Variants in CSMD1 observed in about 807,000 individuals in gnomAD.
CSMD1 encodes the protein CUB and Sushi multiple domains 1, also known as CUB and sushi domain-containing protein 1.
A neutral mutation model predicts 417.5 loss-of-function variants in CSMD1; 213 were observed. The ratio of observed to expected loss-of-function variants is 0.51; its 90% CI spans 0.46 to 0.57. The LOEUF is 0.57. Ranked by LOEUF, CSMD1 falls within the 20% of genes least tolerant of loss-of-function variation. The probability of loss-of-function intolerance (pLI) is 0.00; values close to 1 mark genes in which losing one functional copy is unlikely to be tolerated. For synonymous variants in CSMD1, 2,862 were observed against 1,736.8 expected (o/e 1.65, Z -16.11); for missense variants, 6,923 against 4,529.7 (o/e 1.53, Z -15.17).
At chr8:4,823,009 C>A in intron 1 of CSMD1, among the ~76,000 whole-genome samples, 1 of 152,144 alleles carries the variant, frequency 6.6e-6, no homozygotes, top group East Asian at 1.9e-4. Flanking sequence ...TTGTATTTCA[C>A]AATTTGCAGT....
At chr8:3,209,827 A>T (rs1181558963) in intron 30 of CSMD1, among the ~76,000 whole-genome samples, 3 of 152,214 alleles carry the variant, frequency 2.0e-5, no homozygotes, top group Admixed American at 6.5e-5. Context: ...TGGTAACAAG[A>T]AGCTTGCTTA....
rs764529886 is a variant in CSMD1, at chr8:4,575,609, C to CATGTG, written c.302+61728_302+61732dup. 3.9e-4 allele frequency among the ~76,000 whole-genome samples: 60 copies of CATGTG among 152,332 alleles called. No individual in the cohort carries two copies. In the East Asian group the frequency reaches 0.01, roughly 25 times the overall value. On this transcript the variant is annotated intron_variant, in intron 2 of 69. Transcript: ENST00000635120. ...TGTGAATTCATTATGATATGGTAGACATGTGGCTCAGTGCATTTGAACTCC... is the reference window on the plus strand; with the variant it reads ...TGTGAATTCATTATGATATGGTAGACATGTGATGTGGCTCAGTGCATTTGAACTCC...
chr8:4,737,677 G>A (rs1810335421), intron 1 of CSMD1, among the ~76,000 whole-genome samples: 1 of 152,178 alleles, frequency 6.6e-6, no homozygotes, highest in Admixed American at 6.5e-5. Flanking sequence ...TTGGATGAAT[G>A]CAAGGAATAA....
At chr8:4,173,363 G>C (rs910437811) in intron 3 of CSMD1, among the ~76,000 whole-genome samples, 1 of 152,116 alleles carries the variant, frequency 6.6e-6, no homozygotes, top group African/African-American at 2.4e-5. Context: ...TGGTGATGCT[G>C]AACAGAAGAT....
intron 2 of CSMD1, among the ~76,000 whole-genome samples, chr8:4,607,698 G>C (rs141609270): frequency 1.3e-5 from 2 of 152,066 alleles, no homozygotes; most frequent in African/African-American, 2.4e-5. Flanking sequence ...AGCAATCTTC[G>C]TGAGTATTCC....
At chr8:3,872,399 A>C (rs1479844893) in intron 5 of CSMD1, among the ~76,000 whole-genome samples, 1 of 152,170 alleles carries the variant, frequency 6.6e-6, no homozygotes, top group Admixed American at 6.5e-5. Context: ...TCAACTGTTC[A>C]TTACTACCTT....
intron 1 of CSMD1, among the ~76,000 whole-genome samples, chr8:4,743,928 C>T (rs1457833003): frequency 1.3e-5 from 2 of 152,192 alleles, no homozygotes; most frequent in African/African-American, 4.8e-5. Context: ...AGTTTATAAA[C>T]CACAGCACTT....
intron 47 of CSMD1, among the ~76,000 whole-genome samples, chr8:3,096,563 T>C (rs140029341): frequency 2.0e-5 from 3 of 152,310 alleles, no homozygotes; most frequent in East Asian, 1.9e-4. Context: ...CCCAGCCATC[T>C]GGAACTGTAA....
chr8:3,856,383 T>C (rs1804312728), intron 5 of CSMD1, among the ~76,000 whole-genome samples: 2 of 152,302 alleles, frequency 1.3e-5, no homozygotes, highest in Admixed American at 6.5e-5. Flanking sequence ...ATTAAACCTC[T>C]TTTCTTTATA....
intron 5 of CSMD1, among the ~76,000 whole-genome samples, chr8:3,950,799 C>T (rs144114295): frequency 3.2e-3 from 483 of 152,180 alleles, no homozygotes; most frequent in African/African-American, 0.01. Flanking sequence ...ACATATTCTT[C>T]GGTCATAATA....
chr8:3,723,819 A>T (rs1802328759), intron 6 of CSMD1, among the ~76,000 whole-genome samples: 1 of 152,230 alleles, frequency 6.6e-6, no homozygotes, highest in Non-Finnish European at 1.5e-5. Context: ...ACTTACTGCT[A>T]CCAAATCACG....
chr8:4,595,387 C>CTTTTTTTTTTTTTTTTTTCT, intron 2 of CSMD1, among the ~76,000 whole-genome samples: 1 of 147,344 alleles, frequency 6.8e-6, no homozygotes, highest in Admixed American at 6.8e-5. Flanking sequence ...CATTCATTTT[C>CTTTTTTTTTTTTTTTTTTCT]ATTCCATCCA....
In CSMD1 at chr8:3,157,256, G is replaced by A. The variant is rs558509784; in HGVS notation, c.5914+641C>T. On this transcript the variant is annotated intron_variant, in intron 39 of 69. Transcript: ENST00000635120. ...AATGATGGGGAGCAAAGGGCACCCTGACATCACCAACCTTTGTACTGAGGG... is the reference window on the plus strand; with the variant it reads ...AATGATGGGGAGCAAAGGGCACCCTAACATCACCAACCTTTGTACTGAGGG... Among the ~76,000 whole-genome samples the A allele has an allele frequency of 7.2e-5, 11 of 152,236 alleles. No homozygotes were observed. The East Asian group carries it at 2.1e-3, about 29-fold the overall frequency.
intron 6 of CSMD1, among the ~76,000 whole-genome samples, chr8:3,718,717 T>G (rs1167310709): frequency 1.3e-5 from 2 of 152,186 alleles, no homozygotes; most frequent in Non-Finnish European, 2.9e-5. Flanking sequence ...GTAATTAGCA[T>G]AAGATGCTTT....
intron 5 of CSMD1, among the ~76,000 whole-genome samples, chr8:3,867,239 G>C (rs1012277839): frequency 6.6e-6 from 1 of 152,070 alleles, no homozygotes; most frequent in Non-Finnish European, 1.5e-5. Context: ...TTAGTAACTA[G>C]CTAGCTAGTG....
At chr8:3,969,343 C>G (rs1160408182) in intron 5 of CSMD1, among the ~76,000 whole-genome samples, 1 of 152,170 alleles carries the variant, frequency 6.6e-6, no homozygotes, top group Non-Finnish European at 1.5e-5. Flanking sequence ...TACTTGCTTC[C>G]TAATGGAACA....
Position 4,994,668 on chromosome 8 carries a change from C to T in CSMD1, c.-252G>A, listed in dbSNP as rs1474816280. 1 of 400,846 alleles carries T rather than the reference C, an allele frequency of 2.5e-6. No individual in the cohort carries two copies. Among genetic ancestry groups the T allele is most frequent in the Non-Finnish European group, 4.5e-6 (1 of 223,820 alleles). 24.8% of individuals were successfully genotyped at this position (400,846 alleles called of 1,614,324 possible). On this transcript the variant is annotated 5_prime_UTR_variant, in exon 1 of 70. Coordinates refer to ENST00000635120, the MANE Select transcript of CSMD1 (RefSeq NM_033225.6). Reference sequence around the variant, plus strand: ...AGACCCGGGCTGGCGGGGCCGGGGCCGGGGACGAGCGCCGGCCGAGCCGGG... The same window carrying T: ...AGACCCGGGCTGGCGGGGCCGGGGCTGGGGACGAGCGCCGGCCGAGCCGGG...
At chr8:4,626,564 C>T (rs1220105418) in intron 2 of CSMD1, among the ~76,000 whole-genome samples, 1 of 152,020 alleles carries the variant, frequency 6.6e-6, no homozygotes, top group Non-Finnish European at 1.5e-5. Flanking sequence ...TCAACAAGAG[C>T]TAGACTCAGG....
At chr8:3,393,071 G>A (rs569921819) in intron 17 of CSMD1, among the ~76,000 whole-genome samples, 6 of 152,204 alleles carry the variant, frequency 3.9e-5, no homozygotes, top group South Asian at 2.1e-4. Flanking sequence ...AATACACAGC[G>A]ACTGATACAT....
Sources: allele counts gnomAD v4.1 joint callset (sites outside exome capture counted in the v4.1 genomes callset), GRCh38; gene constraint gnomAD v4.1.1; transcripts MANE v1.5; gene names NCBI Gene and HGNC (gene_info 2026-07-23, HGNC 2026-07-21).